KIF13A: variants seen among roughly 807,000 people sequenced by gnomAD.
KIF13A encodes kinesin family member 13A.
Under a neutral mutation model 212.2 loss-of-function variants are expected in KIF13A, and 79 were observed. The ratio of observed to expected loss-of-function variants is 0.37; its 90% CI spans 0.31 to 0.45. The LOEUF (loss-of-function observed/expected upper bound fraction) is 0.45. Ranked by LOEUF, KIF13A falls within the 20% of genes least tolerant of loss-of-function variation. KIF13A has a pLI of 1.00. For missense variants in KIF13A, 1,901 were observed against 2,209.0 expected (o/e 0.86, Z 2.79); for synonymous variants, 789 against 808.6 (o/e 0.98, Z 0.41).
At position 17,794,048 on chromosome 6, in the gene KIF13A, G is replaced by A. The variant is rs183722272; in HGVS notation, c.3222+201C>T. ...AATGACTACTATAGCATTAGGATGC[G>A]TGTGTTTATAAATAAAATTATTATT... On this transcript the variant is annotated intron_variant, in intron 25 of 38. Transcript: ENST00000259711. The surrounding 1 kb of genome is among the most constrained non-coding windows in gnomAD (Gnocchi z 4.1). Among the ~76,000 whole-genome samples the A allele has an allele frequency of 6.6e-6, 1 of 152,250 alleles. No homozygotes were observed. Among genetic ancestry groups the A allele is most frequent in the African/African-American group, 2.4e-5 (1 of 41,552 alleles).
chr6:17,941,767 C>T (rs1182724843), intron 2 of KIF13A, among the ~76,000 whole-genome samples: 2 of 151,398 alleles, frequency 1.3e-5, no homozygotes, highest in African/African-American at 4.9e-5. Context: ...CTATGGTAAC[C>T]CTAGCAATAC....
In KIF13A at chr6:17,764,711, T is replaced by C. The variant is rs369581592; in HGVS notation, c.4817A>G (p.Asn1606Ser). The C allele has an allele frequency of 2.3e-5, 37 of 1,613,292 alleles. No individual in the cohort carries two copies. The African/African-American group carries it at 3.1e-4, about 13-fold the overall frequency. ...GACCACCATGTCAGACAGGGTGGCA[T>C]TGGAGGCACTGTGGGAAAAGTAGCC... ...TSGYFSHSAS[N>S]ATLSDMVVPS... Residue 1606 changes from asparagine to serine, a missense_variant, in exon 39 of 39, where the codon AAT (asparagine) becomes AGT (serine). By Grantham distance (46) the Asn-to-Ser change is conservative (BLOSUM62 1). Coordinates refer to ENST00000259711, the MANE Select transcript of KIF13A (RefSeq NM_022113.6). This position sits in a 1 kb window ranked among gnomAD's most constrained non-coding sequence, Gnocchi z 5.1.
At chr6:17,766,979 C>T (rs1018593681) in intron 38 of KIF13A, among the ~76,000 whole-genome samples, 13 of 152,058 alleles carry the variant, frequency 8.5e-5, no homozygotes, top group African/African-American at 2.9e-4. Context: ...AATTGGTGAT[C>T]CTAATTCTTT....
At chr6:17,904,387 G>A (rs552467490) in intron 2 of KIF13A, among the ~76,000 whole-genome samples, 1 of 152,286 alleles carries the variant, frequency 6.6e-6, no homozygotes, top group East Asian at 1.9e-4. Flanking sequence ...AGAATCACTT[G>A]AACCTGGGAA....
chr6:17,814,229 G>A (rs1307374120), intron 17 of KIF13A, among the ~76,000 whole-genome samples: 1 of 142,582 alleles, frequency 7.0e-6, no homozygotes, highest in Non-Finnish European at 1.5e-5. Flanking sequence ...GGGATTACAG[G>A]CATGAGCTAC....
At chr6:17,944,466 C>A (rs992512171) in intron 2 of KIF13A, among the ~76,000 whole-genome samples, 2 of 152,120 alleles carry the variant, frequency 1.3e-5, no homozygotes, top group African/African-American at 4.8e-5. Context: ...AAAAGATTAA[C>A]CAATTGTGAC....
chr6:17,965,724 T>G (rs541451168), intron 2 of KIF13A, among the ~76,000 whole-genome samples: 1 of 152,376 alleles, frequency 6.6e-6, no homozygotes, highest in Admixed American at 6.5e-5. Flanking sequence ...ACCTTGTTAA[T>G]TTATGTTTGT....
chr6:17,937,189 A>G (rs1776542177), intron 2 of KIF13A, among the ~76,000 whole-genome samples: 1 of 152,204 alleles, frequency 6.6e-6, no homozygotes, highest in Admixed American at 6.5e-5. Flanking sequence ...ACATATATAC[A>G]CATACATACA....
intron 2 of KIF13A, among the ~76,000 whole-genome samples, chr6:17,975,485 C>T (rs1021342613): frequency 6.6e-6 from 1 of 152,002 alleles, no homozygotes; most frequent in African/African-American, 2.4e-5. Context: ...AGCGTTACAG[C>T]TTATAAAGAC....
At chr6:17,905,853 G>C (rs1470575859) in intron 2 of KIF13A, among the ~76,000 whole-genome samples, 1 of 152,220 alleles carries the variant, frequency 6.6e-6, no homozygotes, top group Non-Finnish European at 1.5e-5. Flanking sequence ...TGAGACCTGG[G>C]ATGATGGTAT....
chr6:17,960,604 C>G (rs867170698), intron 2 of KIF13A, among the ~76,000 whole-genome samples: 1 of 152,130 alleles, frequency 6.6e-6, no homozygotes, highest in Non-Finnish European at 1.5e-5. Context: ...TACAGGGCAG[C>G]TCCTTCCTTT....
chr6:17,987,259 G>C lies in KIF13A; in HGVS notation c.56-115C>G, dbSNP rs1027766617. 1.4e-5 allele frequency: 12 copies of C among 881,184 alleles called. No homozygotes were observed. The highest frequency in any genetic ancestry group is 1.8e-5 in the Non-Finnish European group (12 of 670,642). The allele number at this position is 881,184 out of a possible 1,614,324, so 54.6% of individuals were successfully genotyped here. Reference sequence around the variant, plus strand: ...CCTGGAGGCGGCCGAGCCTGGAGACGGCGCCCCGGGCACCACGGCCAGCGC... The same window carrying C: ...CCTGGAGGCGGCCGAGCCTGGAGACCGCGCCCCGGGCACCACGGCCAGCGC... On this transcript the variant is annotated intron_variant, in intron 1 of 38. Coordinates refer to ENST00000259711, the MANE Select transcript of KIF13A (RefSeq NM_022113.6). This position sits in a 1 kb window ranked among gnomAD's most constrained non-coding sequence, Gnocchi z 7.7.
intron 2 of KIF13A, among the ~76,000 whole-genome samples, chr6:17,925,507 A>G (rs1443382904): frequency 3.9e-5 from 6 of 152,236 alleles, no homozygotes; most frequent in Admixed American, 3.9e-4. Flanking sequence ...GAGATTATTC[A>G]CTGTCTTGTG....
At chr6:17,969,776 G>A (rs1435415831) in intron 2 of KIF13A, among the ~76,000 whole-genome samples, 1 of 152,046 alleles carries the variant, frequency 6.6e-6, no homozygotes, top group Non-Finnish European at 1.5e-5. Context: ...TTTGGTTTTT[G>A]GCATTCATTT....
Position 17,968,610 on chromosome 6 carries a change from G to A in KIF13A, c.146+18444C>T, listed in dbSNP as rs1779531026. Among the ~76,000 whole-genome samples the A allele has an allele frequency of 6.6e-6, 1 of 152,192 alleles. No homozygotes were observed. Among genetic ancestry groups the A allele is most frequent in the African/African-American group, 2.4e-5 (1 of 41,432 alleles). ...CTAATGCTGCTCCATAGGTTGTGCAGTGAACATTAAAAATGTGAACTTTGT... is the reference window on the plus strand; with the variant it reads ...CTAATGCTGCTCCATAGGTTGTGCAATGAACATTAAAAATGTGAACTTTGT... On this transcript the variant is annotated intron_variant, in intron 2 of 38. Transcript: ENST00000259711. The surrounding 1 kb of genome is among the most constrained non-coding windows in gnomAD (Gnocchi z 4.7).
intron 3 of KIF13A, among the ~76,000 whole-genome samples, chr6:17,885,359 T>C (rs906302481): frequency 5.3e-5 from 8 of 152,226 alleles, no homozygotes; most frequent in Admixed American, 3.3e-4. Context: ...TTTAAACATA[T>C]GTCAAGTAAC....
intron 18 of KIF13A, among the ~76,000 whole-genome samples, chr6:17,808,342 T>C (rs1763155343): frequency 6.6e-6 from 1 of 152,072 alleles, no homozygotes; most frequent in Non-Finnish European, 1.5e-5. Context: ...GCTGAGATCA[T>C]GCCATTGCAC....
rs1183966711 is a variant in KIF13A at position 17,898,378 on chromosome 6, A to G, written c.147-198T>C. The stretch of plus-strand genomic sequence containing the variant: ...ATTACTGAATGAAGTGATAAACTCA[A>G]TATTTGCTCAAAAACATGGTATGGG... On this transcript the variant is annotated intron_variant, in intron 2 of 38. Coordinates refer to ENST00000259711, the MANE Select transcript of KIF13A (RefSeq NM_022113.6). The surrounding 1 kb of genome is among the most constrained non-coding windows in gnomAD (Gnocchi z 5.2). Among the ~76,000 whole-genome samples, 2 of 152,204 alleles carry G rather than the reference A, an allele frequency of 1.3e-5. No individual in the cohort carries two copies. Among genetic ancestry groups the G allele is most frequent in the African/African-American group, 4.8e-5 (2 of 41,448 alleles).
chr6:17,862,942 C>A (rs1018966862), intron 4 of KIF13A, among the ~76,000 whole-genome samples: 6 of 151,912 alleles, frequency 3.9e-5, no homozygotes, highest in East Asian at 1.9e-4. Context: ...AGCGAGACTG[C>A]GTCTCAAAAA....
Sources: allele counts gnomAD v4.1 joint callset (sites outside exome capture counted in the v4.1 genomes callset), GRCh38; gene constraint gnomAD v4.1.1; non-coding constraint Gnocchi (gnomAD v3.1); transcripts MANE v1.5; gene names NCBI Gene and HGNC (gene_info 2026-07-23, HGNC 2026-07-21).